The following ZDHHC18 variants were observed in gnomAD, a reference collection of about 807,000 sequenced individuals.
ZDHHC18 encodes palmitoyltransferase ZDHHC18.
ZDHHC18 carries 23 observed loss-of-function variants against 37.5 expected under a neutral mutation model. That is an observed-to-expected ratio of 0.61 (90% CI 0.44 to 0.87). The LOEUF is 0.87. Among genes scored for constraint, ZDHHC18 ranks in the 40% least tolerant of loss-of-function variants. ZDHHC18 has a pLI of 0.00. For synonymous variants in ZDHHC18, 185 were observed against 218.7 expected (o/e 0.85, Z 1.36); for missense variants, 406 against 525.6 (o/e 0.77, Z 2.22).
At chr1:26,840,250 T>C (rs974833200) in intron 2 of ZDHHC18, among the ~76,000 whole-genome samples, 31 of 152,208 alleles carry the variant, frequency 2.0e-4, no homozygotes, top group African/African-American at 7.5e-4. Context: ...CATTCACAGA[T>C]GGGCTGTGTT....
chr1:26,839,610 A>G (rs779356368), intron 2 of ZDHHC18, among the ~76,000 whole-genome samples: 70 of 152,324 alleles, frequency 4.6e-4, no homozygotes, highest in Admixed American at 9.2e-4. Flanking sequence ...TTGCTTTCCC[A>G]TCTGTAACTC....
At chr1:26,838,476 C>T (rs1043520833) in intron 2 of ZDHHC18, among the ~76,000 whole-genome samples, 1 of 152,186 alleles carries the variant, frequency 6.6e-6, no homozygotes, top group Admixed American at 6.5e-5. Context: ...CCTGCCTCCA[C>T]CCCACATATT....
chr1:26,845,619 C>T (rs943307004), intron 2 of ZDHHC18, among the ~76,000 whole-genome samples: 1 of 151,894 alleles, frequency 6.6e-6, no homozygotes, highest in African/African-American at 2.4e-5. Flanking sequence ...AGGCTTGAGC[C>T]ACCGCGCCCG....
Position 26,836,414 on chromosome 1 carries a change from A to G in ZDHHC18, c.496+3807A>G, listed in dbSNP as rs199702763. Reference sequence around the variant, plus strand: ...TTGTAGTTATCTCTCCAAGATCCCAAATTTGTTCTCCCCACCCCTGCCCTG... The same window carrying G: ...TTGTAGTTATCTCTCCAAGATCCCAGATTTGTTCTCCCCACCCCTGCCCTG... On this transcript the variant is annotated intron_variant, in intron 2 of 7. Transcript: ENST00000374142. 2.9e-4 allele frequency among the ~76,000 whole-genome samples: 44 copies of G among 151,848 alleles called. No homozygotes were observed. The East Asian group carries it at 4.9e-3, about 17-fold the overall frequency.
chr1:26,843,367 C>G (rs2081648104), intron 2 of ZDHHC18, among the ~76,000 whole-genome samples: 1 of 150,710 alleles, frequency 6.6e-6, no homozygotes, highest in Non-Finnish European at 1.5e-5. Flanking sequence ...TCTCGAACTC[C>G]TGACCTAAGG....
Position 26,850,550 on chromosome 1 carries a change from C to A in ZDHHC18, c.785-8C>A. 1 of 1,614,206 alleles carries A rather than the reference C, an allele frequency of 6.2e-7. No individual in the cohort carries two copies. Among genetic ancestry groups the A allele is most frequent in the East Asian group, 2.2e-5 (1 of 44,882 alleles). On this transcript the variant is annotated splice_region_variant and splice_polypyrimidine_tract_variant and intron_variant, in intron 4 of 7. Coordinates refer to ENST00000374142, the MANE Select transcript of ZDHHC18 (RefSeq NM_032283.3). This position sits in a 1 kb window ranked among gnomAD's most constrained non-coding sequence, Gnocchi z 6.1. ...TGAGCTTGTCCTCTCCTGTTTCTTT[C>A]TCCCCAGGCGCTCAGGGAAGCAACT...
chr1:26,845,320 CTTTTTTTTTTTTT>C (rs71007896), intron 2 of ZDHHC18, among the ~76,000 whole-genome samples: 14 of 45,238 alleles, frequency 3.1e-4, no homozygotes, highest in African/African-American at 7.5e-4. Context: ...CTTCTTCATT[CTTTTTTTTTTTTT>C]TTTTTTTTTT....
At chr1:26,833,406 G>T (rs547260842) in intron 2 of ZDHHC18, among the ~76,000 whole-genome samples, 1 of 152,212 alleles carries the variant, frequency 6.6e-6, no homozygotes, top group South Asian at 2.1e-4. Flanking sequence ...TAGGTGTTGG[G>T]GAGTGGGCTA....
Position 26,839,563 on chromosome 1 carries a change from C to G in ZDHHC18, c.496+6956C>G, listed in dbSNP as rs554064250. Among the ~76,000 whole-genome samples, 3 of 152,306 alleles carry G rather than the reference C, an allele frequency of 2.0e-5. No homozygotes were observed. The South Asian group carries it at 6.2e-4, about 32-fold the overall frequency. Reference sequence around the variant, plus strand: ...AATGAGTGCCCTGGAAGACAAGGGTCCTAGTTTCAGCCCCACCTTCTATTA... The same window carrying G: ...AATGAGTGCCCTGGAAGACAAGGGTGCTAGTTTCAGCCCCACCTTCTATTA... On this transcript the variant is annotated intron_variant, in intron 2 of 7. Coordinates refer to ENST00000374142, the MANE Select transcript of ZDHHC18 (RefSeq NM_032283.3).
intron 2 of ZDHHC18, among the ~76,000 whole-genome samples, chr1:26,848,390 G>A (rs772676178): frequency 7.2e-5 from 11 of 152,038 alleles, no homozygotes; most frequent in Middle Eastern, 3.4e-3. Flanking sequence ...GGGTAAGGCC[G>A]GCAGGTGTAT....
intron 2 of ZDHHC18, among the ~76,000 whole-genome samples, chr1:26,834,687 G>A (rs908573194): frequency 3.3e-5 from 5 of 152,198 alleles, no homozygotes; most frequent in African/African-American, 7.2e-5. Context: ...GCTCAGTGAC[G>A]TTGGCTAAAT....
chr1:26,834,737 A>G (rs1230025170), intron 2 of ZDHHC18, among the ~76,000 whole-genome samples: 2 of 152,218 alleles, frequency 1.3e-5, no homozygotes, highest in Non-Finnish European at 2.9e-5. Context: ...GCTTCTGTGA[A>G]GGCCCTCCTT....
chr1:26,856,524 G>T lies in ZDHHC18; in HGVS notation c.*2681G>T. 3 of 215,258 alleles carry T rather than the reference G, an allele frequency of 1.4e-5. No individual in the cohort carries two copies. Among genetic ancestry groups the T allele is most frequent in the South Asian group, 1.1e-4 (2 of 18,440 alleles). The allele number at this position is 215,258 out of a possible 1,614,324, so 13.3% of individuals were successfully genotyped here. A position where few individuals can be genotyped will look rare whatever the true frequency, so the allele number is the denominator to read the frequency against. On this transcript the variant is annotated 3_prime_UTR_variant, in exon 8 of 8. Transcript: ENST00000374142. The surrounding 1 kb of genome is among the most constrained non-coding windows in gnomAD (Gnocchi z 5.2). ...AGCAGCTCTCCAGCTGGAAGAGGAG[G>T]TGGAGGGTGAGGCTGGGGAGAGGAT...
At chr1:26,839,004 A>G (rs965204401) in intron 2 of ZDHHC18, among the ~76,000 whole-genome samples, 3 of 152,268 alleles carry the variant, frequency 2.0e-5, no homozygotes, top group Non-Finnish European at 4.4e-5. Flanking sequence ...CAACAGTGGA[A>G]GGGCAGAGGG....
rs763292593 is a variant in ZDHHC18 at position 26,853,754 on chromosome 1, T to C, written c.1078T>C (p.Ser360Pro). ...SLIDRRGFVQ[S>P]DTVLPSPIRS... ...AATTGACCGGAGGGGATTTGTGCAG[T>C]CCGACACCGTGTTGCCCTCACCCAT... Residue 360 changes from serine (S) to proline (P), a missense_variant, in exon 8 of 8, where the codon TCC becomes CCC. By Grantham distance (74) the Ser-to-Pro change is moderately conservative. Transcript: ENST00000374142. 1.2e-6 allele frequency: 2 copies of C among 1,614,120 alleles called. No homozygotes were observed. The highest frequency in any genetic ancestry group is 2.2e-5 in the South Asian group (2 of 91,090).
intron 2 of ZDHHC18, among the ~76,000 whole-genome samples, chr1:26,835,599 G>T (rs1301670599): frequency 6.6e-6 from 1 of 152,194 alleles, no homozygotes; most frequent in East Asian, 1.9e-4. Flanking sequence ...TACTCAGGAG[G>T]CTGAGGCAGA....
rs1478835676 is a variant in ZDHHC18 at position 26,826,719 on chromosome 1, G to GCCGCTGCCACCT, written c.-78_-67dup. 4.6e-6 allele frequency: 3 copies of GCCGCTGCCACCT among 652,630 alleles called. No homozygotes were observed. Among genetic ancestry groups the GCCGCTGCCACCT allele is most frequent in the Admixed American group, 6.5e-5 (1 of 15,278 alleles). 40.4% of individuals were successfully genotyped at this position (652,630 alleles called of 1,614,324 possible). On this transcript the variant is annotated 5_prime_UTR_variant, in exon 1 of 8. Transcript: ENST00000374142. This position sits in a 1 kb window ranked among gnomAD's most constrained non-coding sequence, Gnocchi z 5.2. ...TGAGCGAGCGAGCGCCGCGCGCGCCGCCGCTGCCACCTCCGCTGCTCGGCC... is the reference window on the plus strand; with the variant it reads ...TGAGCGAGCGAGCGCCGCGCGCGCCGCCGCTGCCACCTCCGCTGCCACCTCCGCTGCTCGGCC...
intron 3 of ZDHHC18, among the ~76,000 whole-genome samples, 163 bp downstream of exon 3, chr1:26,848,920 A>AGGG (rs890934091): frequency 1.3e-5 from 2 of 152,134 alleles, no homozygotes; most frequent in African/African-American, 4.8e-5. Flanking sequence ...AGGAGGGCCC[A>AGGG]GGGGAGGGGC....
intron 2 of ZDHHC18, among the ~76,000 whole-genome samples, chr1:26,835,795 A>C (rs1050824656): frequency 6.6e-6 from 1 of 152,244 alleles, no homozygotes; most frequent in Admixed American, 6.5e-5. Flanking sequence ...TCTCTGAGGC[A>C]GGTGGTGCTG....
Sources: allele counts gnomAD v4.1 joint callset (sites outside exome capture counted in the v4.1 genomes callset), GRCh38; gene constraint gnomAD v4.1.1; non-coding constraint Gnocchi (gnomAD v3.1); transcripts MANE v1.5; gene names NCBI Gene and HGNC (gene_info 2026-07-23, HGNC 2026-07-21).